ZBTB7B: variants seen among roughly 807,000 people sequenced by gnomAD.
ZBTB7B encodes the protein zinc finger and BTB domain containing 7B.
ZBTB7B carries 8 observed loss-of-function variants against 31.0 expected under a neutral mutation model. The observed-to-expected ratio is 0.26, with a 90% CI of 0.15 to 0.47. The LOEUF (loss-of-function observed/expected upper bound fraction) is 0.47. Among genes scored for constraint, ZBTB7B ranks in the 20% least tolerant of loss-of-function variants. ZBTB7B has a pLI of 0.99. For synonymous variants in ZBTB7B, 261 were observed against 307.3 expected, an observed-to-expected ratio of 0.85 and a Z score of 1.58; for missense variants, 494 against 742.4, an observed-to-expected ratio of 0.67 and a Z score of 3.89.
rs141845046 is a variant in ZBTB7B at position 155,015,228 on chromosome 1, C to T, written c.568C>T (p.Pro190Ser). 0.021 allele frequency: 34,427 copies of T among 1,613,760 alleles called. 555 individuals are homozygous for T. Among genetic ancestry groups the T allele is most frequent in the Non-Finnish European group, 0.023 (26,877 of 1,179,996 alleles). ...SPPQVPLPPP[P>S]PPPPRPVARR... The stretch of plus-strand genomic sequence containing the variant: ...TCCACAGGTGCCCCTCCCACCACCT[C>T]CGCCACCGCCACCTCGGCCTGTTGC... The change falls in exon 2 of 3, where the codon CCG (proline) becomes TCG (serine). Residue 190 changes from proline to serine, a missense_variant. Around this residue, in one of 5 missense-constraint regions of ZBTB7B, gnomAD observed 216 missense variants for 229.3 expected, o/e 0.94. Coordinates refer to ENST00000535420, the MANE Select transcript of ZBTB7B (RefSeq NM_001256455.2).
chr1:155,016,352 C>G lies in ZBTB7B; in HGVS notation c.1287C>G (p.Pro429=), dbSNP rs150643660. ...TGCACCTGCACACAGGGGACCGGCC[C>G]TATGAGTGCCACCTGTGCCACAAGG... ...NHMHLHTGDR[P]YECHLCHKAF... The change falls in exon 3 of 3, where the codon CCC becomes CCG. Residue 429 remains proline (P), a synonymous_variant. Coordinates refer to ENST00000535420, the MANE Select transcript of ZBTB7B (RefSeq NM_001256455.2). The surrounding 1 kb of genome is among the most constrained non-coding windows in gnomAD (Gnocchi z 4.3). The G allele has an allele frequency of 6.2e-7, 1 of 1,614,028 alleles. No homozygotes were observed. The highest frequency in any genetic ancestry group is 1.3e-5 in the African/African-American group (1 of 74,900).
At chr1:155,002,223 G>T (rs1312848160), upstream of ZBTB7B, among the ~76,000 whole-genome samples, 16 of 151,958 alleles carry the variant, frequency 1.1e-4, no homozygotes, top group Admixed American at 1.0e-3. Context: ...CCAATGAGCG[G>T]ACAGGGCGGT....
intron 1 of ZBTB7B, among the ~76,000 whole-genome samples, chr1:155,012,446 C>T (rs1284787300): frequency 1.3e-5 from 2 of 152,060 alleles, no homozygotes; most frequent in Admixed American, 1.3e-4. Flanking sequence ...TGCTGCTCCT[C>T]CTGCTGCTGC....
chr1:155,014,183 C>A, intron 1 of ZBTB7B: 1 of 741,634 alleles, frequency 1.3e-6, no homozygotes, highest in South Asian at 5.9e-5. Context: ...TGACTGAGGC[C>A]AGCTGCCAGT....
rs1659324686 is a variant in ZBTB7B at position 155,015,578 on chromosome 1, T to G, written c.918T>G (p.Asp306Glu). 1 of 1,613,602 alleles carries G rather than the reference T, an allele frequency of 6.2e-7. No individual in the cohort carries two copies. Among genetic ancestry groups the G allele is most frequent in the African/African-American group, 1.3e-5 (1 of 74,876 alleles). Residue 306 changes from aspartate (D) to glutamate (E), a missense_variant, in exon 2 of 3, where the codon GAT (aspartate) becomes GAG (glutamate). Physicochemically the swap from Asp to Glu is conservative, Grantham distance 45. This residue lies in a region of ZBTB7B where 216 missense variants were observed against 229.3 expected (regional missense o/e 0.94). Transcript: ENST00000535420. ...TGTCCCCAGAGGAGCTGGGCTCAGA[T>G]GAGGATGCCATCGATCCTGACCTGA... ...PPLSPEELGS[D>E]EDAIDPDLMA...
Position 155,018,481 on chromosome 1 carries a change from C to G in ZBTB7B, c.*1796C>G. On this transcript the variant is annotated 3_prime_UTR_variant, in exon 3 of 3. Coordinates refer to ENST00000535420, the MANE Select transcript of ZBTB7B (RefSeq NM_001256455.2). The stretch of plus-strand genomic sequence containing the variant: ...TCCCCCCACCCCAACTCCCCCACCT[C>G]GGGTGTAAGCGACAGGAAGAAATAA... The G allele has an allele frequency of 6.7e-7, 1 of 1,490,812 alleles. No individual in the cohort carries two copies. Among genetic ancestry groups the G allele is most frequent in the Non-Finnish European group, 9.1e-7 (1 of 1,096,034 alleles). 92.3% of individuals were successfully genotyped at this position (1,490,812 alleles called of 1,614,324 possible). A position where few individuals can be genotyped will look rare whatever the true frequency, so the allele number is the denominator to read the frequency against.
chr1:155,016,004 G>C lies in ZBTB7B; in HGVS notation c.1154+190G>C, dbSNP rs1259677506. On this transcript the variant is annotated intron_variant, in intron 2 of 2. Coordinates refer to ENST00000535420, the MANE Select transcript of ZBTB7B (RefSeq NM_001256455.2). This position sits in a 1 kb window ranked among gnomAD's most constrained non-coding sequence, Gnocchi z 4.3. ...CAGGGGGTGGATCTGGAGCATGGAG[G>C]ATTCGGTGCCCAGGAGGGCAGTGCT... Among the ~76,000 whole-genome samples the C allele has an allele frequency of 1.3e-5, 2 of 152,168 alleles. No individual in the cohort carries two copies. Among genetic ancestry groups the C allele is most frequent in the African/African-American group, 2.4e-5 (1 of 41,432 alleles).
intron 1 of ZBTB7B, among the ~76,000 whole-genome samples, chr1:155,007,966 C>T (rs1048923835): frequency 6.6e-6 from 1 of 152,102 alleles, no homozygotes; most frequent in Non-Finnish European, 1.5e-5. Context: ...AATAAGGGAC[C>T]CCAGGAGTTG....
intron 1 of ZBTB7B, among the ~76,000 whole-genome samples, chr1:155,013,627 G>C (rs1659151969): frequency 6.6e-6 from 1 of 152,114 alleles, no homozygotes; most frequent in Non-Finnish European, 1.5e-5. Flanking sequence ...GGAGGGTAAA[G>C]GATAGAGAGC....
Position 155,003,702 on chromosome 1 carries a change from C to T in ZBTB7B, c.-7+759C>T, listed in dbSNP as rs2102267313. On this transcript the variant is annotated intron_variant, in intron 1 of 2. Coordinates refer to ENST00000535420, the MANE Select transcript of ZBTB7B (RefSeq NM_001256455.2). This position sits in a 1 kb window ranked among gnomAD's most constrained non-coding sequence, Gnocchi z 5.8. ...CTCCTACCTACTACCCGTCCCCCCA[C>T]CGGCGCCGGCGCACCTGCCCCAGCC... 6.6e-6 allele frequency among the ~76,000 whole-genome samples: 1 copy of T among 152,348 alleles called. No homozygotes were observed. The highest frequency in any genetic ancestry group is 2.4e-5 in the African/African-American group (1 of 41,572).
At chr1:155,010,918 A>T (rs1341655074) in intron 1 of ZBTB7B, 1 of 1,535,210 alleles carries the variant, frequency 6.5e-7, no homozygotes, top group African/African-American at 1.4e-5. Context: ...CCTGGCAGGA[A>T]GATGTTACAG....
rs2102266282 is a variant in ZBTB7B, at chr1:155,003,428, C to T, written c.-7+485C>T. 6.6e-6 allele frequency among the ~76,000 whole-genome samples: 1 copy of T among 152,016 alleles called. No individual in the cohort carries two copies. The highest frequency in any genetic ancestry group is 2.4e-5 in the African/African-American group (1 of 41,496). On this transcript the variant is annotated intron_variant, in intron 1 of 2. Transcript: ENST00000535420. This position sits in a 1 kb window ranked among gnomAD's most constrained non-coding sequence, Gnocchi z 5.8. Reference sequence around the variant, plus strand: ...GCCAGTTGCATGGGGGTTGGGGGGGCGCAGGAGGAGCCGCGGCTTGGGGGA... The same window carrying T: ...GCCAGTTGCATGGGGGTTGGGGGGGTGCAGGAGGAGCCGCGGCTTGGGGGA...
Position 155,015,427 on chromosome 1 carries a change from C to G in ZBTB7B, c.767C>G (p.Pro256Arg), listed in dbSNP as rs749613045. The G allele has an allele frequency of 1.9e-6, 3 of 1,572,848 alleles. No homozygotes were observed. In the East Asian group the frequency reaches 6.8e-5, roughly 35 times the overall value. The change falls in exon 2 of 3, where the codon CCT becomes CGT. Residue 256 changes from proline (P) to arginine (R), a missense_variant. Physicochemically the swap from Pro to Arg is moderately radical, Grantham distance 103. Around this residue, in one of 5 missense-constraint regions of ZBTB7B, gnomAD observed 216 missense variants for 229.3 expected, o/e 0.94. Coordinates refer to ENST00000535420, the MANE Select transcript of ZBTB7B (RefSeq NM_001256455.2). ...AGTGGGCCGGGGGACAGCTACAGCCCTCCCACAGGAACTGCCTCCCCTCCT... is the reference window on the plus strand; with the variant it reads ...AGTGGGCCGGGGGACAGCTACAGCCGTCCCACAGGAACTGCCTCCCCTCCT... ...GGSGPGDSYS[P>R]PTGTASPPEG...
Position 155,017,685 on chromosome 1 carries a change from TGGGCGAGCGCCCCCCGC to T in ZBTB7B, c.*1003_*1019del, listed in dbSNP as rs1659568244. ...CGCCATCTGGCGGCCATGCTCTGAG[TGGGCGAGCGCCCCCCGC>T]GGCCACTGGAGCGAGCTGTCTTCAC... On this transcript the variant is annotated 3_prime_UTR_variant, in exon 3 of 3. Coordinates refer to ENST00000535420, the MANE Select transcript of ZBTB7B (RefSeq NM_001256455.2). The T allele has an allele frequency of 6.6e-6, 1 of 152,414 alleles. No homozygotes were observed. Among genetic ancestry groups the T allele is most frequent in the Non-Finnish European group, 1.5e-5 (1 of 68,204 alleles). 9.4% of individuals were successfully genotyped at this position (152,414 alleles called of 1,614,324 possible). A position where few individuals can be genotyped will look rare whatever the true frequency, so the allele number is the denominator to read the frequency against.
chr1:155,018,436 C>T lies in ZBTB7B; in HGVS notation c.*1751C>T, dbSNP rs1210062577. 2 of 1,143,262 alleles carry T rather than the reference C, an allele frequency of 1.7e-6. No homozygotes were observed. Among genetic ancestry groups the T allele is most frequent in the African/African-American group, 1.6e-5 (1 of 64,214 alleles). The allele number at this position is 1,143,262 out of a possible 1,614,324, so 70.8% of individuals were successfully genotyped here. A position where few individuals can be genotyped will look rare whatever the true frequency, so the allele number is the denominator to read the frequency against. ...AGTCAGTGCCTTAGGGGGAGAGGCA[C>T]TCCCCCCCTCCTATTCCCTTCCCCC... is the stretch of plus-strand genomic sequence containing the variant. On this transcript the variant is annotated 3_prime_UTR_variant, in exon 3 of 3. Transcript: ENST00000535420.
Position 155,015,006 on chromosome 1 carries a change from G to T in ZBTB7B, c.346G>T (p.Ala116Ser). The T allele has an allele frequency of 6.2e-7, 1 of 1,613,884 alleles. No homozygotes were observed. Among genetic ancestry groups the T allele is most frequent in the Non-Finnish European group, 8.5e-7 (1 of 1,180,010 alleles). The change falls in exon 2 of 3, where the codon GCC becomes TCC. Residue 116 changes from alanine to serine, a missense_variant. Transcript: ENST00000535420. ...TACAGCCACACTGACCACCAGCAGCGCCAACATGCCAGCTGTGCTCCAGGC... is the reference window on the plus strand; with the variant it reads ...TACAGCCACACTGACCACCAGCAGCTCCAACATGCCAGCTGTGCTCCAGGC... ...AYTATLTTSS[A>S]NMPAVLQAAR...
intron 1 of ZBTB7B, 87 bp from the exon 2 acceptor site, chr1:155,014,568 T>C: frequency 1.6e-6 from 2 of 1,244,810 alleles, no homozygotes; most frequent in Non-Finnish European, 1.1e-6. Context: ...CAGTCATCCC[T>C]CAATAAGTAT....
intron 1 of ZBTB7B, 98 bp from the exon 2 acceptor site, chr1:155,014,557 G>A: frequency 9.5e-7 from 1 of 1,049,924 alleles, no homozygotes; most frequent in Non-Finnish European, 1.4e-6. Context: ...TGACTGGCAT[G>A]CAGTCATCCC....
intron 1 of ZBTB7B, among the ~76,000 whole-genome samples, chr1:155,008,740 C>G (rs766246355): frequency 1.3e-5 from 2 of 152,280 alleles, no homozygotes; most frequent in Non-Finnish European, 2.9e-5. Flanking sequence ...GACTCTGGGC[C>G]CTCTCCCACG....
Sources: gnomAD v4.1 joint callset for allele counts (sites outside exome capture counted in the v4.1 genomes callset) on GRCh38, gnomAD v4.1.1 for gene constraint, gnomAD v4.1.1 regional missense constraint, Gnocchi (gnomAD v3.1) non-coding constraint, MANE v1.5 for transcripts, NCBI Gene and HGNC (gene_info 2026-07-23, HGNC 2026-07-21) for gene names.